The following CNBP variants were observed in gnomAD, a reference collection of about 807,000 sequenced individuals.
The protein encoded by CNBP is CCHC-type zinc finger nucleic acid binding protein, also known as cellular nucleic acid-binding protein.
A neutral mutation model predicts 21.2 loss-of-function variants in CNBP; 6 were observed. The observed-to-expected ratio is 0.28, with a 90% CI of 0.16 to 0.56. The LOEUF is 0.56. CNBP is among the 20% of genes least tolerant of loss of function. The pLI is 0.93. For missense variants in CNBP, 112 were observed against 233.1 expected (o/e 0.48, Z 3.38); for synonymous variants, 61 against 74.9 (o/e 0.81, Z 0.96).
intron 4 of CNBP, among the ~76,000 whole-genome samples, 157 bp downstream of exon 4, chr3:129,170,922 A>AT (rs1347529736): frequency 1.3e-5 from 2 of 151,742 alleles, no homozygotes; most frequent in African/African-American, 4.9e-5. Flanking sequence ...ACAGAATTAT[A>AT]TACAGATAGA....
At chr3:129,171,319 CT>C in intron 3 of CNBP, 42 bp from the exon 4 acceptor site, 1 of 1,610,990 alleles carries the variant, frequency 6.2e-7, no homozygotes, top group Non-Finnish European at 8.5e-7. Flanking sequence ...ACTATAAAAC[CT>C]TTACAAAGTG....
At chr3:129,173,508 T>C (rs540336183) in intron 1 of CNBP, among the ~76,000 whole-genome samples, 57 of 152,320 alleles carry the variant, frequency 3.7e-4, no homozygotes, top group African/African-American at 1.3e-3. Context: ...AATGTTTCTG[T>C]AATGTAATTT....
intron 1 of CNBP, among the ~76,000 whole-genome samples, chr3:129,180,813 C>T (rs1363322073): frequency 1.3e-5 from 2 of 150,736 alleles, no homozygotes; most frequent in African/African-American, 4.9e-5. Flanking sequence ...AAAGCAGAAT[C>T]TCTCTGTGGT....
Position 129,168,720 on chromosome 3 carries a change from G to C in CNBP, c.*1733C>G, listed in dbSNP as rs560110217. 3.3e-5 allele frequency among the ~76,000 whole-genome samples: 5 copies of C among 151,280 alleles called. No homozygotes were observed. The highest frequency in any genetic ancestry group is 1.2e-4 in the African/African-American group (5 of 41,218). ...CTCGCACCTGTAACACTAGCACTTT[G>C]GGGGGCGGGGCAGGTGGATCACCTG... is the stretch of plus-strand genomic sequence containing the variant. On this transcript the variant is annotated 3_prime_UTR_variant, in exon 5 of 5. Transcript: ENST00000422453.
At chr3:129,172,584 G>GA (rs1937604096) in intron 1 of CNBP, among the ~76,000 whole-genome samples, 1 of 21,682 alleles carries the variant, frequency 4.6e-5, no homozygotes, top group African/African-American at 1.0e-4. Flanking sequence ...AGACAGGCAG[G>GA]CAGGCAGGCA....
At chr3:129,178,813 G>A (rs892815668) in intron 1 of CNBP, among the ~76,000 whole-genome samples, 5 of 151,780 alleles carry the variant, frequency 3.3e-5, no homozygotes, top group African/African-American at 1.2e-4. Flanking sequence ...CACGATCTCG[G>A]CTCACTGCAA....
In CNBP at chr3:129,173,133, T is replaced by G. The variant is rs187038285; in HGVS notation, c.-14-1362A>C. On this transcript the variant is annotated intron_variant, in intron 1 of 4. Coordinates refer to ENST00000422453, the MANE Select transcript of CNBP (RefSeq NM_003418.5). ...GGAATAAAAATATTCAGTGGAAAAG[T>G]TGCATCTGTATTGAACATGCAGACT... Among the ~76,000 whole-genome samples, 3 of 152,352 alleles carry G rather than the reference T, an allele frequency of 2.0e-5. No individual in the cohort carries two copies. In the East Asian group the frequency reaches 5.8e-4, roughly 29 times the overall value.
At chr3:129,170,608 G>GA (rs34979599) in intron 4 of CNBP, 38 bp from the exon 5 acceptor site, 4 of 1,516,902 alleles carry the variant, frequency 2.6e-6, no homozygotes, top group Non-Finnish European at 3.7e-6. Context: ...ATGGGCCTCA[G>GA]AAAAAAACTG....
intron 1 of CNBP, among the ~76,000 whole-genome samples, chr3:129,175,178 C>G (rs1937813727): frequency 6.6e-6 from 1 of 151,464 alleles, no homozygotes; most frequent in African/African-American, 2.4e-5. Context: ...AAAAAATTAC[C>G]CAGGCGTGGT....
At chr3:129,181,985 T>C (rs1006016782) in intron 1 of CNBP, among the ~76,000 whole-genome samples, 1 of 152,118 alleles carries the variant, frequency 6.6e-6, no homozygotes, top group Non-Finnish European at 1.5e-5. Flanking sequence ...GGTGTTTGAT[T>C]ATCCTTAACC....
chr3:129,181,525 C>T (rs1214840335), intron 1 of CNBP, among the ~76,000 whole-genome samples: 1 of 151,338 alleles, frequency 6.6e-6, no homozygotes, highest in Non-Finnish European at 1.5e-5. Flanking sequence ...GCGGCGGGCG[C>T]CTGTAATCCC....
At chr3:129,180,879 C>T (rs1255639729) in intron 1 of CNBP, among the ~76,000 whole-genome samples, 2 of 151,748 alleles carry the variant, frequency 1.3e-5, no homozygotes, top group East Asian at 1.9e-4. Context: ...GGTTTCACTG[C>T]TTTTAGGCAC....
chr3:129,172,705 C>G (rs566511311), intron 1 of CNBP, among the ~76,000 whole-genome samples: 75 of 150,256 alleles, frequency 5.0e-4, no homozygotes, highest in African/African-American at 1.7e-3. Context: ...GACACACACA[C>G]ACACACACAC....
intron 3 of CNBP, 71 bp downstream of exon 3, chr3:129,171,375 C>CTA: frequency 6.3e-7 from 1 of 1,592,552 alleles, no homozygotes. Context: ...GGTGGAAATG[C>CTA]TATACACAGT....
At chr3:129,171,574 G>A in intron 2 of CNBP, 36 bp from the exon 3 acceptor site, 1 of 1,613,940 alleles carries the variant, frequency 6.2e-7, no homozygotes, top group South Asian at 1.1e-5. Flanking sequence ...CGGCTAGTCA[G>A]ACCAGTCTTG....
intron 1 of CNBP, among the ~76,000 whole-genome samples, chr3:129,173,858 T>C (rs371877703): frequency 9.9e-5 from 15 of 152,186 alleles, no homozygotes; most frequent in East Asian, 3.8e-4. Flanking sequence ...CTTGAGTGGA[T>C]AATCGAATTA....
chr3:129,182,020 A>G (rs1296598702), intron 1 of CNBP, among the ~76,000 whole-genome samples: 2 of 151,934 alleles, frequency 1.3e-5, no homozygotes, highest in East Asian at 3.9e-4. Flanking sequence ...GAAGCATTTA[A>G]AACTATTTAG....
intron 1 of CNBP, among the ~76,000 whole-genome samples, chr3:129,181,813 C>T (rs528168914): frequency 4.6e-5 from 7 of 151,994 alleles, no homozygotes; most frequent in Middle Eastern, 3.4e-3. Flanking sequence ...TAAAGAAAAA[C>T]TTATCAAGAG....
In CNBP at chr3:129,171,742, A is replaced by G; in HGVS notation, c.16T>C (p.Cys6Arg). The change falls in exon 2 of 5, where the codon TGC (cysteine) becomes CGC (arginine). Residue 6 changes from cysteine to arginine, a missense_variant. Coordinates refer to ENST00000422453, the MANE Select transcript of CNBP (RefSeq NM_003418.5). MSSNE[C>R]FKCGRSGHWA... Reference sequence around the variant, plus strand: ...TGGCCAGATCGTCCACACTTGAAGCACTCATTGCTGCTCATGGCTGCAGTC... The same window carrying G: ...TGGCCAGATCGTCCACACTTGAAGCGCTCATTGCTGCTCATGGCTGCAGTC... The G allele has an allele frequency of 6.2e-7, 1 of 1,614,050 alleles. No homozygotes were observed. Among genetic ancestry groups the G allele is most frequent in the Non-Finnish European group, 8.5e-7 (1 of 1,180,022 alleles).
Sources: gnomAD v4.1 joint callset for allele counts (sites outside exome capture counted in the v4.1 genomes callset) on GRCh38, gnomAD v4.1.1 for gene constraint, MANE v1.5 for transcripts, NCBI Gene and HGNC (gene_info 2026-07-23, HGNC 2026-07-21) for gene names.